TYW1B: variants seen among roughly 807,000 people sequenced by gnomAD.
The protein encoded by TYW1B is S-adenosyl-L-methionine-dependent tRNA 4-demethylwyosine synthase TYW1B.
Under a neutral mutation model 86.9 loss-of-function variants are expected in TYW1B, and 73 were observed. That is an observed-to-expected ratio of 0.84 (90% CI 0.70 to 1.02). TYW1B has a LOEUF of 1.02. Among genes scored for constraint, TYW1B ranks in the 50% least tolerant of loss-of-function variants. The pLI is 0.00. For synonymous variants in TYW1B, 248 were observed against 292.8 expected, an observed-to-expected ratio of 0.85 and a Z score of 1.56; for missense variants, 637 against 827.4, an observed-to-expected ratio of 0.77 and a Z score of 2.82.
chr7:72,616,755 G>A lies in TYW1B; in HGVS notation c.1702C>T (p.Arg568Cys), dbSNP rs367555373. Residue 568 changes from arginine (R) to cysteine (C), a missense_variant, in exon 13 of 14, where the codon CGC becomes TGC. By Grantham distance (180) the Arg-to-Cys change is radical. Transcript: ENST00000620995. ...PWHEEVVQFVRELVDLIPEYE... is the reference protein window; with the variant it reads ...PWHEEVVQFVCELVDLIPEYE... ...TCGGGGATCAGATCCACCAGCTCGCGGACAAACTGTACCACTTCCTCATGC... is the reference window on the plus strand; with the variant it reads ...TCGGGGATCAGATCCACCAGCTCGCAGACAAACTGTACCACTTCCTCATGC... 363 of 1,614,150 alleles carry A rather than the reference G, an allele frequency of 2.2e-4. 2 individuals carry two copies. In the Middle Eastern group the frequency reaches 5.9e-3, roughly 26 times the overall value.
At chr7:72,790,934 G>T (rs1247274087) in intron 6 of TYW1B, among the ~76,000 whole-genome samples, 2 of 152,106 alleles carry the variant, frequency 1.3e-5, no homozygotes, top group Non-Finnish European at 2.9e-5. Context: ...TAGTGAAGCT[G>T]AATGTCCTCA....
At chr7:72,716,534 T>C (rs1483992515) in intron 9 of TYW1B, among the ~76,000 whole-genome samples, 360 of 136,746 alleles carry the variant, frequency 2.6e-3, no homozygotes, top group African/African-American at 5.9e-3. Flanking sequence ...AGACACACTG[T>C]TCCGCCAGAC....
intron 11 of TYW1B, among the ~76,000 whole-genome samples, chr7:72,629,640 G>A (rs1812435745): frequency 6.6e-6 from 1 of 151,994 alleles, no homozygotes; most frequent in African/African-American, 2.4e-5. Flanking sequence ...TCTATCTCCT[G>A]GACTCAAGTG....
intron 11 of TYW1B, among the ~76,000 whole-genome samples, chr7:72,641,313 T>A (rs1398094413): frequency 6.6e-6 from 1 of 152,084 alleles, no homozygotes; most frequent in Non-Finnish European, 1.5e-5. Context: ...TTGCCAAACA[T>A]TTTAAGAAGA....
At chr7:72,806,534 G>A (rs1175784709) in intron 5 of TYW1B, among the ~76,000 whole-genome samples, 3 of 151,950 alleles carry the variant, frequency 2.0e-5, no homozygotes. Context: ...ACCGTGCCCG[G>A]CCTAAAGAAG....
chr7:72,767,588 T>C (rs1291543168), intron 7 of TYW1B, among the ~76,000 whole-genome samples: 2 of 151,912 alleles, frequency 1.3e-5, no homozygotes, highest in Non-Finnish European at 2.9e-5. Context: ...CCAGCCTGGG[T>C]GACAGAGCAA....
intron 8 of TYW1B, among the ~76,000 whole-genome samples, chr7:72,733,593 G>C (rs1585939699): frequency 6.6e-6 from 1 of 152,124 alleles, no homozygotes; most frequent in Non-Finnish European, 1.5e-5. Context: ...CCCAGGAGGT[G>C]GAGGTTGCAG....
chr7:72,605,697 C>T (rs1451785524), intron 13 of TYW1B, among the ~76,000 whole-genome samples: 3 of 151,990 alleles, frequency 2.0e-5, no homozygotes, highest in African/African-American at 7.3e-5. Context: ...AAATTGCTAG[C>T]CATTTATTAA....
intron 13 of TYW1B, among the ~76,000 whole-genome samples, chr7:72,589,801 G>A (rs193188995): frequency 0.013 from 2,010 of 152,226 alleles, 44 homozygotes; most frequent in African/African-American, 0.042. Context: ...ACTTGAACCC[G>A]GGAGGCGGAG....
Position 72,807,357 on chromosome 7 carries a change from C to A in TYW1B, c.433-1G>T. 1 of 1,610,590 alleles carries A rather than the reference C, an allele frequency of 6.2e-7. No individual in the cohort carries two copies. The highest frequency in any genetic ancestry group is 1.7e-5 in the Admixed American group (1 of 59,900). ...GCCACTTGTCAACATTTTTGCCAACCTGCGAGGAAAAGATAGATAGGCTAA... is the reference window on the plus strand; with the variant it reads ...GCCACTTGTCAACATTTTTGCCAACATGCGAGGAAAAGATAGATAGGCTAA... On this transcript the variant is annotated splice_acceptor_variant, in intron 4 of 13. Coordinates refer to ENST00000620995, the MANE Select transcript of TYW1B (RefSeq NM_001145440.3). LOFTEE classifies it high-confidence loss of function.
rs575237761 is a variant in TYW1B at position 72,600,274 on chromosome 7, A to C, written c.1785+16398T>G. Among the ~76,000 whole-genome samples, 334 of 152,366 alleles carry C rather than the reference A, an allele frequency of 2.2e-3. 3 individuals are homozygous for C. Among genetic ancestry groups the C allele is most frequent in the African/African-American group, 7.4e-3 (308 of 41,582 alleles). On this transcript the variant is annotated intron_variant, in intron 13 of 13. Coordinates refer to ENST00000620995, the MANE Select transcript of TYW1B (RefSeq NM_001145440.3). ...GCAAAGGTAATTTAATGAAGAAATG[A>C]TAACCTTTTCAACAAATGGTACTTT...
chr7:72,697,382 T>A (rs1554451690), intron 10 of TYW1B, among the ~76,000 whole-genome samples: 10 of 152,044 alleles, frequency 6.6e-5, no homozygotes, highest in Non-Finnish European at 2.9e-5. Flanking sequence ...CAAGGAAGTC[T>A]ACAGATCTCT....
intron 10 of TYW1B, among the ~76,000 whole-genome samples, chr7:72,710,014 G>A (rs1411416119): frequency 6.6e-6 from 1 of 152,172 alleles, no homozygotes; most frequent in African/African-American, 2.4e-5. Flanking sequence ...GCAAGAGAGG[G>A]AAAGAGAGAC....
chr7:72,575,641 C>T lies in TYW1B; in HGVS notation c.1864G>A (p.Gly622Ser). 1 of 1,613,624 alleles carries T rather than the reference C, an allele frequency of 6.2e-7. No individual in the cohort carries two copies. Among genetic ancestry groups the T allele is most frequent in the African/African-American group, 1.3e-5 (1 of 74,938 alleles). The stretch of plus-strand genomic sequence containing the variant: ...TTTGCGCTGAACGTTTTTGATCCAC[C>T]ACTATCTTCATATTCCTGGATGAGC... The part of the protein sequence containing the change: ...QELIQEYEDS[G>S]GSKTFSAKDY... Residue 622 changes from glycine (G) to serine (S), a missense_variant, in exon 14 of 14, where the codon GGT (glycine) becomes AGT (serine). By Grantham distance (56) the Gly-to-Ser change is moderately conservative. Transcript: ENST00000620995.
chr7:72,584,301 T>C (rs181810488), intron 13 of TYW1B, among the ~76,000 whole-genome samples: 13 of 152,272 alleles, frequency 8.5e-5, no homozygotes, highest in Non-Finnish European at 1.5e-4. Context: ...CATTTCAGCC[T>C]CTTAAAATGC....
At chr7:72,681,590 T>TC (rs1554448467) in intron 11 of TYW1B, among the ~76,000 whole-genome samples, 5 of 143,452 alleles carry the variant, frequency 3.5e-5, no homozygotes, top group Non-Finnish European at 7.6e-5. Context: ...TATATTTACT[T>TC]CTTTTTTTTT....
At chr7:72,597,371 A>G (rs1271249906) in intron 13 of TYW1B, among the ~76,000 whole-genome samples, 1 of 152,250 alleles carries the variant, frequency 6.6e-6, no homozygotes, top group Non-Finnish European at 1.5e-5. Context: ...AGAAAAAAAG[A>G]GGTAGAGTAA....
chr7:72,607,551 G>A (rs1169875700), intron 13 of TYW1B, among the ~76,000 whole-genome samples: 6 of 151,776 alleles, frequency 4.0e-5, no homozygotes, highest in Non-Finnish European at 8.8e-5. Context: ...TAATCAAATG[G>A]AAATTTTAGA....
chr7:72,787,771 A>C (rs1554472745), intron 6 of TYW1B, among the ~76,000 whole-genome samples: 1 of 143,062 alleles, frequency 7.0e-6, no homozygotes, highest in East Asian at 2.0e-4. Context: ...CTCCATCTCC[A>C]AAAAAAAGAA....
Sources: allele counts gnomAD v4.1 joint callset (sites outside exome capture counted in the v4.1 genomes callset), GRCh38; gene constraint gnomAD v4.1.1; transcripts MANE v1.5; gene names NCBI Gene and HGNC (gene_info 2026-07-23, HGNC 2026-07-21).